Variants in TMEM30A observed in about 807,000 individuals in gnomAD.
TMEM30A encodes cell division cycle 50 P4-ATPase accessory subunit A.
TMEM30A carries 24 observed loss-of-function variants against 38.2 expected under a neutral mutation model. The observed-to-expected ratio is 0.63, with a 90% confidence interval of 0.46 to 0.88. The LOEUF (loss-of-function observed/expected upper bound fraction) is 0.88, where lower values mean the gene tolerates loss of function less well. TMEM30A is among the 40% of genes least tolerant of loss of function. TMEM30A has a pLI of 0.00. For missense variants in TMEM30A, 370 were observed against 458.6 expected (o/e 0.81, Z 1.77); for synonymous variants, 145 against 161.6 (o/e 0.90, Z 0.78).
chr6:75,257,094 T>C (rs1771879686), intron 6 of TMEM30A, among the ~76,000 whole-genome samples: 1 of 152,120 alleles, frequency 6.6e-6, no homozygotes, highest in East Asian at 1.9e-4. Flanking sequence ...TCCCTATGGG[T>C]CCCTAACTCC....
intron 1 of TMEM30A, among the ~76,000 whole-genome samples, chr6:75,280,753 A>G (rs1332383548): frequency 6.6e-6 from 1 of 152,140 alleles, no homozygotes; most frequent in Non-Finnish European, 1.5e-5. Context: ...ACTAAAATCA[A>G]CTTGAATATT....
chr6:75,273,289 A>C (rs1772205921), intron 1 of TMEM30A, among the ~76,000 whole-genome samples: 1 of 152,166 alleles, frequency 6.6e-6, no homozygotes, highest in Non-Finnish European at 1.5e-5. Context: ...ACATAATCAA[A>C]TATTTGCATA....
chr6:75,278,487 C>A (rs944519512), intron 1 of TMEM30A, among the ~76,000 whole-genome samples: 1 of 152,154 alleles, frequency 6.6e-6, no homozygotes, highest in African/African-American at 2.4e-5. Flanking sequence ...TCTCTTTGTT[C>A]ATCCCTTCTT....
chr6:75,259,017 C>CA, intron 5 of TMEM30A, 31 bp from the exon 6 acceptor site: 2 of 1,550,554 alleles, frequency 1.3e-6, no homozygotes, highest in Non-Finnish European at 1.8e-6. Context: ...GATAAGGAGA[C>CA]AAAATATTAC....
chr6:75,276,166 C>G (rs1772256187), intron 1 of TMEM30A, among the ~76,000 whole-genome samples: 1 of 152,226 alleles, frequency 6.6e-6, no homozygotes, highest in African/African-American at 2.4e-5. Flanking sequence ...CATGGAAGCT[C>G]TGAACCCCTT....
At chr6:75,276,693 T>C (rs904860249) in intron 1 of TMEM30A, among the ~76,000 whole-genome samples, 3 of 152,236 alleles carry the variant, frequency 2.0e-5, no homozygotes, top group African/African-American at 7.2e-5. Context: ...AGTGATTCTT[T>C]TTAAACATAA....
intron 1 of TMEM30A, among the ~76,000 whole-genome samples, chr6:75,275,346 C>T (rs1772242274): frequency 6.6e-6 from 1 of 152,168 alleles, no homozygotes; most frequent in Non-Finnish European, 1.5e-5. Flanking sequence ...AAATATGTAA[C>T]TCTAGTCTCA....
rs1432379170 is a variant in TMEM30A at position 75,253,309 on chromosome 6, T to C, written c.*2793A>G. The C allele has an allele frequency of 6.6e-6, 1 of 152,184 alleles. No homozygotes were observed. The highest frequency in any genetic ancestry group is 1.5e-5 in the Non-Finnish European group (1 of 68,014). 9.4% of individuals were successfully genotyped at this position (152,184 alleles called of 1,614,324 possible). ...TTTTCCTGTGTACCCCACTTCATTATTTCCATCATGCTTACCTCTCTGTTT... is the reference window on the plus strand; with the variant it reads ...TTTTCCTGTGTACCCCACTTCATTACTTCCATCATGCTTACCTCTCTGTTT... On this transcript the variant is annotated 3_prime_UTR_variant, in exon 7 of 7. Coordinates refer to ENST00000230461, the MANE Select transcript of TMEM30A (RefSeq NM_018247.4).
In TMEM30A at chr6:75,254,923, T is replaced by TA. The variant is rs1349453284; in HGVS notation, c.*1178dup. 3 of 152,478 alleles carry TA rather than the reference T, an allele frequency of 2.0e-5. No homozygotes were observed. The highest frequency in any genetic ancestry group is 4.4e-5 in the Non-Finnish European group (3 of 67,984). 9.4% of individuals were successfully genotyped at this position (152,478 alleles called of 1,614,324 possible). ...AAAAAATAAAATAACTTCAACCATATACATATTATAATTTATCATGTACAT... is the reference window on the plus strand; with the variant it reads ...AAAAAATAAAATAACTTCAACCATATAACATATTATAATTTATCATGTACAT... On this transcript the variant is annotated 3_prime_UTR_variant, in exon 7 of 7. Transcript: ENST00000230461.
chr6:75,266,574 C>T (rs144662882), intron 2 of TMEM30A, among the ~76,000 whole-genome samples: 1 of 152,262 alleles, frequency 6.6e-6, no homozygotes, highest in African/African-American at 2.4e-5. Flanking sequence ...ACAGAGTCCA[C>T]AAGAGAATGA....
chr6:75,256,469 G>C (rs1288076415), intron 6 of TMEM30A, among the ~76,000 whole-genome samples, 174 bp from the exon 7 acceptor site: 1 of 151,942 alleles, frequency 6.6e-6, no homozygotes, highest in Non-Finnish European at 1.5e-5. Flanking sequence ...TATCTTGAAA[G>C]ACTGATTTAG....
At chr6:75,259,268 G>T in intron 5 of TMEM30A, 79 bp downstream of exon 5, 1 of 1,454,926 alleles carries the variant, frequency 6.9e-7, no homozygotes, top group Non-Finnish European at 9.3e-7. Flanking sequence ...ATAACTTTAA[G>T]ATTCTGAAGA....
Position 75,258,880 on chromosome 6 carries a change from T to A in TMEM30A, c.792A>T (p.Ala264=). 6.2e-7 allele frequency: 1 copy of A among 1,614,024 alleles called. No homozygotes were observed. The highest frequency in any genetic ancestry group is 1.1e-5 in the South Asian group (1 of 91,084). ...NEDFIVWMRT[A]ALPTFRKLYR... ...ACAACTTGCGAAAAGTAGGTAATGC[T>A]GCAGTACGCATCCAAACAATAAAAT... The change falls in exon 6 of 7, where the codon GCA becomes GCT. Residue 264 remains alanine, a synonymous_variant. Transcript: ENST00000230461.
rs1453936170 is a variant in TMEM30A, at chr6:75,254,481, T to G, written c.*1621A>C. 1.3e-5 allele frequency: 2 copies of G among 152,166 alleles called. No homozygotes were observed. The highest frequency in any genetic ancestry group is 4.8e-5 in the African/African-American group (2 of 41,464). The allele number at this position is 152,166 out of a possible 1,614,324, so 9.4% of individuals were successfully genotyped here. A position where few individuals can be genotyped will look rare whatever the true frequency, so the allele number is the denominator to read the frequency against. ...TACATCAAGTACTTCGTGCAAGTAATATTTTTACCAGTTAAAAGTCATTAT... is the reference window on the plus strand; with the variant it reads ...TACATCAAGTACTTCGTGCAAGTAAGATTTTTACCAGTTAAAAGTCATTAT... On this transcript the variant is annotated 3_prime_UTR_variant, in exon 7 of 7. Transcript: ENST00000230461.
chr6:75,284,123 C>G, intron 1 of TMEM30A: 1 of 478,622 alleles, frequency 2.1e-6, no homozygotes, highest in East Asian at 4.2e-5. Context: ...GCGTTCTCCA[C>G]CTGACCTATC....
At position 75,278,440 on chromosome 6, in the gene TMEM30A, A is replaced by G. The variant is rs548823935; in HGVS notation, c.237+5962T>C. On this transcript the variant is annotated intron_variant, in intron 1 of 6. Transcript: ENST00000230461. ...CCTTGTTACTAAGTGGAGGTGGTAC[A>G]TGACAGTTTTCAAGAACCTTCTTTA... Among the ~76,000 whole-genome samples the G allele has an allele frequency of 3.3e-5, 5 of 152,312 alleles. No individual in the cohort carries two copies. The South Asian group carries it at 8.3e-4, about 25-fold the overall frequency.
intron 1 of TMEM30A, among the ~76,000 whole-genome samples, chr6:75,267,964 C>A (rs1772097185): frequency 1.3e-5 from 2 of 152,092 alleles, no homozygotes; most frequent in Non-Finnish European, 2.9e-5. Context: ...CAAGTAAAGT[C>A]CTCTCTTCTT....
chr6:75,255,985 G>T lies in TMEM30A; in HGVS notation c.*117C>A. 1 of 691,720 alleles carries T rather than the reference G, an allele frequency of 1.4e-6. No homozygotes were observed. Among genetic ancestry groups the T allele is most frequent in the South Asian group, 2.7e-5 (1 of 36,478 alleles). 42.8% of individuals were successfully genotyped at this position (691,720 alleles called of 1,614,324 possible). A position where few individuals can be genotyped will look rare whatever the true frequency, so the allele number is the denominator to read the frequency against. On this transcript the variant is annotated 3_prime_UTR_variant, in exon 7 of 7. Coordinates refer to ENST00000230461, the MANE Select transcript of TMEM30A (RefSeq NM_018247.4). ...AAACAACAAAGACTGCTTTTTTTTAGAAAAGTTATGTGCCAACTTCAAAAT... is the reference window on the plus strand; with the variant it reads ...AAACAACAAAGACTGCTTTTTTTTATAAAAGTTATGTGCCAACTTCAAAAT...
intron 4 of TMEM30A, 134 bp from the exon 5 acceptor site, chr6:75,259,624 T>G: frequency 1.6e-6 from 1 of 641,112 alleles, no homozygotes; most frequent in South Asian, 3.2e-5. Flanking sequence ...TGATTCACAT[T>G]TGTTCTTTAT....
Sources: allele counts gnomAD v4.1 joint callset (sites outside exome capture counted in the v4.1 genomes callset), GRCh38; gene constraint gnomAD v4.1.1; transcripts MANE v1.5; gene names NCBI Gene and HGNC (gene_info 2026-07-23, HGNC 2026-07-21).